CD6: variants seen among roughly 807,000 people sequenced by gnomAD.
CD6 encodes CD6 molecule.
Under a neutral mutation model 75.3 loss-of-function variants are expected in CD6, and 53 were observed. That is an observed-to-expected ratio of 0.70 (90% CI 0.56 to 0.88). The LOEUF (loss-of-function observed/expected upper bound fraction) is 0.88. CD6 is among the 40% of genes least tolerant of loss of function. The pLI is 0.00. For missense variants in CD6, 770 were observed against 897.1 expected, an observed-to-expected ratio of 0.86 and a Z score of 1.81; for synonymous variants, 359 against 381.5, an observed-to-expected ratio of 0.94 and a Z score of 0.69.
chr11:60,988,061 C>T (rs938014553), intron 1 of CD6: 2 of 152,242 alleles, frequency 1.3e-5, no homozygotes, highest in African/African-American at 4.8e-5. Flanking sequence ...AGGGGACAGC[C>T]GTGTGGGCTG....
intron 1 of CD6, 73 bp from the exon 2 acceptor site, chr11:61,006,501 G>C (rs1361741272): frequency 1.6e-6 from 2 of 1,275,802 alleles, no homozygotes; most frequent in East Asian, 5.1e-5. Context: ...AGTGCCCCCT[G>C]CTCATCAGGG....
In CD6 at chr11:60,973,731, CAGA is replaced by C. The variant is rs1277278575; in HGVS notation, c.49+1820_49+1822del. 2.6e-5 allele frequency among the ~76,000 whole-genome samples: 4 copies of C among 152,114 alleles called. No homozygotes were observed. In the East Asian group the frequency reaches 7.7e-4, roughly 29 times the overall value. ...AGCAGGTATTTTCTTCTTGACTTTGCAGAAGGACTGAAAACACCGTGGGCAGGG... is the reference window on the plus strand; with the variant it reads ...AGCAGGTATTTTCTTCTTGACTTTGCAGGACTGAAAACACCGTGGGCAGGG... On this transcript the variant is annotated intron_variant, in intron 1 of 12. Coordinates refer to ENST00000313421, the MANE Select transcript of CD6 (RefSeq NM_006725.5).
At chr11:61,011,279 C>T (rs1859142667) in intron 6 of CD6, 144 bp downstream of exon 6, 1 of 680,780 alleles carries the variant, frequency 1.5e-6, no homozygotes, top group East Asian at 2.8e-5. Flanking sequence ...GACTTGCCTC[C>T]CCGGGGCTCT....
At chr11:61,013,750 G>T (rs961830083) in intron 7 of CD6, among the ~76,000 whole-genome samples, 169 bp from the exon 8 acceptor site, 3 of 152,140 alleles carry the variant, frequency 2.0e-5, no homozygotes, top group African/African-American at 7.2e-5. Flanking sequence ...ACCAGACTGT[G>T]CATGTGTGTG....
Position 61,011,140 on chromosome 11 carries a change from G to A in CD6, c.1150+5G>A, listed in dbSNP as rs1400455606. On this transcript the variant is annotated splice_donor_5th_base_variant and intron_variant, in intron 6 of 12. Coordinates refer to ENST00000313421, the MANE Select transcript of CD6 (RefSeq NM_006725.5). ...GTGTTCAGACAGTCACTATAGGTAA[G>A]TGTTGCTGGGTACTACGCGGTTTCT... The A allele has an allele frequency of 6.2e-7, 1 of 1,612,304 alleles. No individual in the cohort carries two copies. Among genetic ancestry groups the A allele is most frequent in the Non-Finnish European group, 8.5e-7 (1 of 1,178,826 alleles).
At chr11:60,988,339 C>T (rs1857910102) in intron 1 of CD6, among the ~76,000 whole-genome samples, 1 of 152,238 alleles carries the variant, frequency 6.6e-6, no homozygotes, top group African/African-American at 2.4e-5. Context: ...TCCACTGGCA[C>T]TCTGAGCCAC....
chr11:61,011,915 C>G (rs1859171210), intron 6 of CD6, among the ~76,000 whole-genome samples: 1 of 152,212 alleles, frequency 6.6e-6, no homozygotes, highest in African/African-American at 2.4e-5. Flanking sequence ...TGCTGTGAGG[C>G]TCCAGTGAAT....
rs745647917 is a variant in CD6, at chr11:61,008,892, A to G, written c.781+47A>G. ...AGCCCGGTCACTACCAACACTCACC[A>G]TAGGCCTACTGGGCGCCAAGCCTGG... On this transcript the variant is annotated intron_variant, in intron 4 of 12. Coordinates refer to ENST00000313421, the MANE Select transcript of CD6 (RefSeq NM_006725.5). 9 of 1,448,490 alleles carry G rather than the reference A, an allele frequency of 6.2e-6. No homozygotes were observed. In the South Asian group the frequency reaches 1.0e-4, roughly 17 times the overall value. The allele number at this position is 1,448,490 out of a possible 1,614,324, so 89.7% of individuals were successfully genotyped here.
intron 5 of CD6, 80 bp downstream of exon 5, chr11:61,009,954 G>A (rs548241060): frequency 7.2e-7 from 1 of 1,392,616 alleles, no homozygotes; most frequent in East Asian, 2.4e-5. Context: ...ACAGTCCAAG[G>A]ACCACAATAG....
intron 10 of CD6, 75 bp downstream of exon 10, chr11:61,017,625 C>T (rs1590730984): frequency 1.3e-6 from 2 of 1,563,712 alleles, no homozygotes; most frequent in Non-Finnish European, 8.8e-7. Flanking sequence ...TGAGACCTTC[C>T]AGCAGGAACC....
At chr11:60,981,909 T>C (rs1857572852) in intron 1 of CD6, among the ~76,000 whole-genome samples, 1 of 151,918 alleles carries the variant, frequency 6.6e-6, no homozygotes, top group African/African-American at 2.4e-5. Context: ...TCCCCTGTTT[T>C]CCCTTGTATG....
intron 1 of CD6, among the ~76,000 whole-genome samples, chr11:60,978,617 C>T (rs887634452): frequency 6.6e-6 from 1 of 152,110 alleles, no homozygotes; most frequent in African/African-American, 2.4e-5. Flanking sequence ...TATGTATGTT[C>T]CTTGAGGCTT....
At chr11:60,983,901 T>A (rs1251783936) in intron 1 of CD6, among the ~76,000 whole-genome samples, 3 of 152,232 alleles carry the variant, frequency 2.0e-5, no homozygotes, top group African/African-American at 7.2e-5. Context: ...CATAGAGCAG[T>A]TATTCTGTAA....
At chr11:61,013,768 GTGTT>G in intron 7 of CD6, 147 bp from the exon 8 acceptor site, 1 of 719,102 alleles carries the variant, frequency 1.4e-6, no homozygotes, top group Non-Finnish European at 2.3e-6. Flanking sequence ...GTGTGTGCCT[GTGTT>G]TGTGTGTGTG....
chr11:60,991,149 C>CTTTTTTTTTTTT (rs58123378), intron 1 of CD6, among the ~76,000 whole-genome samples: 37 of 114,702 alleles, frequency 3.2e-4, no homozygotes, highest in East Asian at 5.1e-4. Context: ...CTTTTTCTTT[C>CTTTTTTTTTTTT]TTTTTTTTTT....
chr11:60,973,232 GC>G (rs1319749535), intron 1 of CD6, among the ~76,000 whole-genome samples: 2 of 152,232 alleles, frequency 1.3e-5, no homozygotes, highest in African/African-American at 4.8e-5. Flanking sequence ...TGGCGTCCGA[GC>G]CTTGGCAGCT....
intron 7 of CD6, 39 bp downstream of exon 7, chr11:61,013,602 G>A: frequency 1.2e-6 from 2 of 1,607,140 alleles, no homozygotes; most frequent in Non-Finnish European, 8.5e-7. Flanking sequence ...CATCCCAGGG[G>A]GATGTGAGCC....
At chr11:61,013,695 AT>A (rs1196224326) in intron 7 of CD6, 132 bp downstream of exon 7, 19 of 1,047,654 alleles carry the variant, frequency 1.8e-5, no homozygotes, top group Non-Finnish European at 2.4e-5. Flanking sequence ...GGTGGAAAGG[AT>A]TTTCCCAGCA....
intron 1 of CD6, among the ~76,000 whole-genome samples, chr11:60,979,027 G>A (rs570648041): frequency 2.6e-5 from 4 of 152,326 alleles, no homozygotes; most frequent in Admixed American, 2.6e-4. Flanking sequence ...CCCACATGGT[G>A]ACCTCATTTT....
Sources: gnomAD v4.1 joint callset for allele counts (sites outside exome capture counted in the v4.1 genomes callset) on GRCh38, gnomAD v4.1.1 for gene constraint, MANE v1.5 for transcripts, NCBI Gene and HGNC (gene_info 2026-07-23, HGNC 2026-07-21) for gene names.